RRBP1: variants seen among roughly 807,000 people sequenced by gnomAD.
RRBP1 encodes the protein ribosome-binding protein 1.
RRBP1 carries 94 observed loss-of-function variants against 165.2 expected under a neutral mutation model. The ratio of observed to expected loss-of-function variants is 0.57; its 90% CI spans 0.48 to 0.68. The LOEUF is 0.68. Among genes scored for constraint, RRBP1 ranks in the 30% least tolerant of loss-of-function variants. The pLI is 0.00. For missense variants in RRBP1, 1,676 were observed against 1,763.0 expected (o/e 0.95, Z 0.88); for synonymous variants, 680 against 714.5 (o/e 0.95, Z 0.77).
At chr20:17,627,262 C>A in intron 11 of RRBP1, 86 bp downstream of exon 11, 2 of 1,399,098 alleles carry the variant, frequency 1.4e-6, no homozygotes, top group African/African-American at 1.4e-5. Context: ...GACCTGAGCA[C>A]CCTCCTGAAA....
At chr20:17,680,263 A>C (rs1048786471) in intron 1 of RRBP1, among the ~76,000 whole-genome samples, 188 bp from the exon 2 acceptor site, 1 of 152,204 alleles carries the variant, frequency 6.6e-6, no homozygotes, top group Non-Finnish European at 1.5e-5. Context: ...AATGCCCCCC[A>C]GCTGCACAGG....
At chr20:17,624,869 G>A (rs751832818) in intron 12 of RRBP1, among the ~76,000 whole-genome samples, 31 of 152,348 alleles carry the variant, frequency 2.0e-4, no homozygotes, top group East Asian at 1.2e-3. Context: ...AGCCAGAGGC[G>A]GGCAGCATGG....
intron 8 of RRBP1, among the ~76,000 whole-genome samples, chr20:17,631,438 C>G (rs967452144): frequency 6.6e-6 from 1 of 152,252 alleles, no homozygotes; most frequent in African/African-American, 2.4e-5. Flanking sequence ...AAAAACCCAC[C>G]CACCTTCAGG....
chr20:17,652,941 A>G (rs2036583607), intron 3 of RRBP1, among the ~76,000 whole-genome samples: 1 of 152,260 alleles, frequency 6.6e-6, no homozygotes, highest in South Asian at 2.1e-4. Context: ...GTGAAAACCC[A>G]TGCTGTGGAC....
chr20:17,629,382 T>C (rs909520502), intron 9 of RRBP1, among the ~76,000 whole-genome samples: 3 of 152,218 alleles, frequency 2.0e-5, no homozygotes, highest in Middle Eastern at 3.2e-3. Flanking sequence ...TGCCTGGCCT[T>C]CTGGGCTGAC....
At chr20:17,618,411 C>G (rs1178490344) in intron 20 of RRBP1, among the ~76,000 whole-genome samples, 185 bp downstream of exon 20, 1 of 152,228 alleles carries the variant, frequency 6.6e-6, no homozygotes, top group Non-Finnish European at 1.5e-5. Context: ...ACAGGCCCAG[C>G]TCAGAGTTCT....
intron 3 of RRBP1, among the ~76,000 whole-genome samples, chr20:17,656,683 A>G (rs1257199738): frequency 1.3e-5 from 2 of 152,226 alleles, no homozygotes; most frequent in African/African-American, 4.8e-5. Context: ...CACTGTAAAA[A>G]AATCTGTTCA....
intron 2 of RRBP1, among the ~76,000 whole-genome samples, chr20:17,674,855 C>T (rs74849808): frequency 6.4e-4 from 98 of 152,326 alleles, no homozygotes; most frequent in African/African-American, 2.3e-3. Context: ...CTGTTCACAC[C>T]CAAAACAAAT....
chr20:17,633,744 C>A, intron 7 of RRBP1, 131 bp from the exon 8 acceptor site: 1 of 860,890 alleles, frequency 1.2e-6, no homozygotes, highest in Non-Finnish European at 1.8e-6. Context: ...ATTACCAAAG[C>A]CACTTTTCCA....
rs1384899375 is a variant in RRBP1 at position 17,635,636 on chromosome 20, T to C, written c.2366A>G (p.Asn789Ser). ...KIRTLQEQLE[N>S]GPNTQLARLQ... ...GCGGGCCAGCTGCGTGTTGGGGCCA[T>C]TCTCCAGCTGCTCCTGAAGAGTCCG... Residue 789 changes from asparagine (N) to serine (S), a missense_variant, in exon 7 of 25, where the codon AAT becomes AGT. Coordinates refer to ENST00000377813, the MANE Select transcript of RRBP1 (RefSeq NM_001365613.2). The C allele has an allele frequency of 1.9e-6, 3 of 1,613,574 alleles. No individual in the cohort carries two copies. Among genetic ancestry groups the C allele is most frequent in the South Asian group, 1.1e-5 (1 of 91,034 alleles).
intron 4 of RRBP1, 126 bp downstream of exon 4, chr20:17,642,853 A>C: frequency 9.1e-7 from 1 of 1,101,062 alleles, no homozygotes; most frequent in Non-Finnish European, 1.3e-6. Context: ...GGGGTGGCAG[A>C]ATTCTGCCAG....
intron 7 of RRBP1, 136 bp downstream of exon 7, chr20:17,635,409 TG>T: frequency 1.6e-6 from 1 of 642,492 alleles, no homozygotes; most frequent in Non-Finnish European, 2.6e-6. Flanking sequence ...AGACGGGAGA[TG>T]GAAGGTCAGG....
At position 17,635,631 on chromosome 20, in the gene RRBP1, G is replaced by A; in HGVS notation, c.2371C>T (p.Pro791Ser). The A allele has an allele frequency of 1.9e-6, 3 of 1,613,536 alleles. No individual in the cohort carries two copies. The highest frequency in any genetic ancestry group is 2.5e-6 in the Non-Finnish European group (3 of 1,179,902). Reference sequence around the variant, plus strand: ...TGCAGGCGGGCCAGCTGCGTGTTGGGGCCATTCTCCAGCTGCTCCTGAAGA... The same window carrying A: ...TGCAGGCGGGCCAGCTGCGTGTTGGAGCCATTCTCCAGCTGCTCCTGAAGA... ...RTLQEQLENG[P>S]NTQLARLQQE... is the part of the protein sequence containing the mutation. The change falls in exon 7 of 25, where the codon CCC (proline) becomes TCC (serine). Residue 791 changes from proline (P) to serine (S), a missense_variant. Around this residue, in one of 5 missense-constraint regions of RRBP1, gnomAD observed 1,184 missense variants for 1,167.1 expected, o/e 1.01. Coordinates refer to ENST00000377813, the MANE Select transcript of RRBP1 (RefSeq NM_001365613.2).
chr20:17,622,389 A>C (rs2035932985), intron 13 of RRBP1, among the ~76,000 whole-genome samples: 1 of 151,916 alleles, frequency 6.6e-6, no homozygotes, highest in African/African-American at 2.4e-5. Context: ...TGGAATCTAG[A>C]GCTGTGATGG....
At chr20:17,622,452 G>A (rs1220757830) in intron 13 of RRBP1, among the ~76,000 whole-genome samples, 1 of 152,048 alleles carries the variant, frequency 6.6e-6, no homozygotes, top group Non-Finnish European at 1.5e-5. Context: ...ACCACGGTTA[G>A]GGGCTAGTGG....
rs143190427 is a variant in RRBP1 at position 17,618,637 on chromosome 20, C to A, written c.3718G>T (p.Ala1240Ser). ...LLESQSQLDA[A>S]KSEAQKQSDE... is the part of the protein sequence containing the mutation. ...CTCTGTTTCTGGGCTTCGCTCTTGG[C>A]GGCATCGAGCTGAGATTGAGATTCT... Residue 1240 changes from alanine to serine, a missense_variant, in exon 20 of 25, where the codon GCC (alanine) becomes TCC (serine). Ala to Ser is a moderately conservative substitution (Grantham distance 99). Coordinates refer to ENST00000377813, the MANE Select transcript of RRBP1 (RefSeq NM_001365613.2). 4 of 1,613,966 alleles carry A rather than the reference C, an allele frequency of 2.5e-6. No homozygotes were observed. Among genetic ancestry groups the A allele is most frequent in the South Asian group, 1.1e-5 (1 of 91,088 alleles).
At position 17,621,730 on chromosome 20, in the gene RRBP1, G is replaced by A. The variant is rs376141567; in HGVS notation, c.3284C>T (p.Thr1095Met). ...WLQDLKEKGP[T>M]LLKHPPAPAE... ...GGGAGCTGGCGGGTGCTTCAGCAGCGTGGGGCCTTTCTCTTTGAGATCCTG... is the reference window on the plus strand; with the variant it reads ...GGGAGCTGGCGGGTGCTTCAGCAGCATGGGGCCTTTCTCTTTGAGATCCTG... The change falls in exon 15 of 25, where the codon ACG becomes ATG. Residue 1095 changes from threonine (T) to methionine (M), a missense_variant. Physicochemically the swap from Thr to Met is moderately conservative, Grantham distance 81. This residue lies in a region of RRBP1 where 1,184 missense variants were observed against 1,167.1 expected (regional missense o/e 1.01). Coordinates refer to ENST00000377813, the MANE Select transcript of RRBP1 (RefSeq NM_001365613.2). 5.5e-5 allele frequency: 89 copies of A among 1,613,768 alleles called. 1 individual carries two copies. The Admixed American group carries it at 9.5e-4, about 17-fold the overall frequency.
intron 11 of RRBP1, among the ~76,000 whole-genome samples, chr20:17,626,281 T>C (rs1800685643): frequency 6.6e-6 from 1 of 152,250 alleles, no homozygotes; most frequent in Admixed American, 6.5e-5. Context: ...GAATCTGATC[T>C]TAAAACACAA....
intron 17 of RRBP1, 82 bp downstream of exon 17, chr20:17,620,633 A>G: frequency 1.9e-6 from 2 of 1,071,136 alleles, no homozygotes; most frequent in Non-Finnish European, 1.4e-6. Context: ...CGAGTCTCAC[A>G]GGTGACAGAG....
Sources: gnomAD v4.1 joint callset for allele counts (sites outside exome capture counted in the v4.1 genomes callset) on GRCh38, gnomAD v4.1.1 for gene constraint, gnomAD v4.1.1 regional missense constraint, MANE v1.5 for transcripts, NCBI Gene and HGNC (gene_info 2026-07-23, HGNC 2026-07-21) for gene names.